The following HDDC2 variants were observed in gnomAD, a reference collection of about 807,000 sequenced individuals.
HDDC2 encodes 5'-deoxynucleotidase HDDC2.
In HDDC2, 25 loss-of-function variants were observed where a neutral mutation model predicts 25.5. The observed-to-expected ratio is 0.98, with a 90% CI of 0.72 to 1.37. The LOEUF (loss-of-function observed/expected upper bound fraction) is 1.37. HDDC2 is among the 40% of genes most tolerant of loss of function. The pLI, the probability that HDDC2 is intolerant of heterozygous loss-of-function variation, is 0.00. For missense variants in HDDC2, 264 were observed against 253.1 expected (o/e 1.04, Z -0.29); for synonymous variants, 106 against 89.7 (o/e 1.18, Z -1.03).
Position 125,275,876 on chromosome 6 carries a change from C to G in HDDC2, c.*270G>C, listed in dbSNP as rs1207062035. On this transcript the variant is annotated 3_prime_UTR_variant, in exon 6 of 6. Coordinates refer to ENST00000398153, the MANE Select transcript of HDDC2 (RefSeq NM_016063.3). ...TGATTTTAAATCTCCAATAAATATT[C>G]TAATATTTTAGGTGTTTAATATTTA... is the stretch of plus-strand genomic sequence containing the variant. 2.6e-6 allele frequency: 1 copy of G among 380,696 alleles called. No individual in the cohort carries two copies. The allele number at this position is 380,696 out of a possible 1,614,324, so 23.6% of individuals were successfully genotyped here.
chr6:125,301,310 G>A (rs1798797992), intron 1 of HDDC2, among the ~76,000 whole-genome samples: 2 of 152,136 alleles, frequency 1.3e-5, no homozygotes, highest in African/African-American at 2.4e-5. Context: ...ATTAAATCCC[G>A]TTTGGGGGGT....
At chr6:125,286,606 T>C (rs773734613) in intron 4 of HDDC2, among the ~76,000 whole-genome samples, 1 of 152,184 alleles carries the variant, frequency 6.6e-6, no homozygotes, top group Non-Finnish European at 1.5e-5. Context: ...ATTGAAAACA[T>C]CAGTATGAAC....
chr6:125,295,755 C>T (rs1380924658), intron 3 of HDDC2, among the ~76,000 whole-genome samples: 1 of 152,132 alleles, frequency 6.6e-6, no homozygotes, highest in East Asian at 1.9e-4. Flanking sequence ...AGGCATACCA[C>T]GACTCTGCCC....
chr6:125,301,482 G>GCACACACACGCGCACACACACACA (rs1412473241), intron 1 of HDDC2, among the ~76,000 whole-genome samples: 29 of 120,418 alleles, frequency 2.4e-4, no homozygotes, highest in African/African-American at 9.1e-4. Context: ...GGGGTCGTGA[G>GCACACACACGCGCACACACACACA]CACACACACA....
At chr6:125,299,107 A>G (rs1798756282) in intron 2 of HDDC2, among the ~76,000 whole-genome samples, 1 of 152,192 alleles carries the variant, frequency 6.6e-6, no homozygotes, top group African/African-American at 2.4e-5. Flanking sequence ...CTAATAGGCC[A>G]GGTGCGGTGG....
At chr6:125,285,927 T>A (rs1187252438) in intron 4 of HDDC2, among the ~76,000 whole-genome samples, 1 of 152,190 alleles carries the variant, frequency 6.6e-6, no homozygotes, top group Admixed American at 6.5e-5. Flanking sequence ...CATCTGTCCC[T>A]CAAAGTACAG....
chr6:125,301,944 C>A lies in HDDC2; in HGVS notation c.-12G>T, dbSNP rs779791095. On this transcript the variant is annotated 5_prime_UTR_variant, in exon 1 of 6. Transcript: ENST00000398153. Reference sequence around the variant, plus strand: ...GAGACCGAAGCCATGCGGCCACCGACCCCGGCTGGGCGGAGCAGGCCGCGG... The same window carrying A: ...GAGACCGAAGCCATGCGGCCACCGAACCCGGCTGGGCGGAGCAGGCCGCGG... The A allele has an allele frequency of 6.5e-7, 1 of 1,546,182 alleles. No homozygotes were observed. Among genetic ancestry groups the A allele is most frequent in the East Asian group, 2.4e-5 (1 of 41,086 alleles).
intron 1 of HDDC2, 26 bp downstream of exon 1, chr6:125,301,823 G>T: frequency 6.6e-7 from 1 of 1,521,092 alleles, no homozygotes; most frequent in Non-Finnish European, 8.8e-7. Flanking sequence ...GCTCGGCCGC[G>T]GCCTCCCGGC....
chr6:125,277,775 G>A (rs1021680285), intron 4 of HDDC2: 1 of 152,584 alleles, frequency 6.6e-6, no homozygotes, highest in African/African-American at 2.4e-5. Flanking sequence ...GTCCCTCTGA[G>A]TTAAGACTAT....
rs1158501798 is a variant in HDDC2 at position 125,277,258 on chromosome 6, T to C, written c.379-18A>G. 2.5e-6 allele frequency: 4 copies of C among 1,613,316 alleles called. No individual in the cohort carries two copies. The East Asian group carries it at 8.9e-5, about 36-fold the overall frequency. ...TCGTACTCCTAAGTAAAGGGACAAT[T>C]AAAGCAGCATGATTAGCGCTGCATA... is the stretch of plus-strand genomic sequence containing the variant. On this transcript the variant is annotated intron_variant, in intron 4 of 5. Transcript: ENST00000398153.
intron 3 of HDDC2, 68 bp from the exon 4 acceptor site, chr6:125,292,977 G>A: frequency 8.3e-7 from 1 of 1,206,344 alleles, no homozygotes; most frequent in Non-Finnish European, 1.2e-6. Context: ...CTCTGCAACA[G>A]ACAAATAGGT....
intron 4 of HDDC2, 159 bp from the exon 5 acceptor site, chr6:125,277,399 T>C (rs887368582): frequency 1.6e-5 from 10 of 642,422 alleles, no homozygotes; most frequent in East Asian, 2.7e-5. Context: ...GAGACACTTC[T>C]GTAATTTCAC....
intron 4 of HDDC2, among the ~76,000 whole-genome samples, chr6:125,287,517 C>A (rs1318567844): frequency 6.6e-6 from 1 of 152,056 alleles, no homozygotes; most frequent in Non-Finnish European, 1.5e-5. Flanking sequence ...ATAAAAATGG[C>A]AGAAGAGAAC....
rs1798381746 is a variant in HDDC2, at chr6:125,277,112, A to T, written c.507T>A (p.Asp169Glu). 6.2e-7 allele frequency: 1 copy of T among 1,613,982 alleles called. No homozygotes were observed. The highest frequency in any genetic ancestry group is 1.3e-5 in the African/African-American group (1 of 74,922). The stretch of plus-strand genomic sequence containing the variant: ...AATGGTGTTGAGTACCTGCTGTGGA[A>T]TCATAGAAGTCTTGCAGTCTCCCAG... ...HKPGRLQDFYDSTAGKFNHPE... is the reference protein window; with the variant it reads ...HKPGRLQDFYESTAGKFNHPE... The change falls in exon 5 of 6, where the codon GAT (aspartate) becomes GAA (glutamate). Residue 169 changes from aspartate to glutamate, a missense_variant. Physicochemically the swap from Asp to Glu is conservative, Grantham distance 45. Coordinates refer to ENST00000398153, the MANE Select transcript of HDDC2 (RefSeq NM_016063.3).
chr6:125,294,028 T>G (rs1179814735), intron 3 of HDDC2, among the ~76,000 whole-genome samples: 1 of 152,226 alleles, frequency 6.6e-6, no homozygotes, highest in African/African-American at 2.4e-5. Context: ...CTCCTTTATT[T>G]ATGAGTTACT....
intron 3 of HDDC2, chr6:125,297,548 G>C (rs926281901): frequency 3.0e-5 from 12 of 403,444 alleles, no homozygotes; most frequent in Admixed American, 8.8e-5. Flanking sequence ...GATCAAAATG[G>C]AGTTTCTTAT....
chr6:125,301,741 G>T, intron 1 of HDDC2, 108 bp downstream of exon 1: 1 of 741,086 alleles, frequency 1.3e-6, no homozygotes. Context: ...CGTGGCGGAC[G>T]CGGCGCAGGA....
rs115998307 is a variant in HDDC2 at position 125,276,831 on chromosome 6, T to C, written c.517+271A>G. The C allele has an allele frequency of 1.1e-3, 521 of 454,284 alleles. 1 individual carries two copies. Among genetic ancestry groups the C allele is most frequent in the African/African-American group, 9.3e-3 (470 of 50,762 alleles). 28.1% of individuals were successfully genotyped at this position (454,284 alleles called of 1,614,324 possible). On this transcript the variant is annotated intron_variant, in intron 5 of 5. Transcript: ENST00000398153. ...TATTGTATGTCCATGACGGCTAGCA[T>C]GGGGGACTGTTCAACCCAACATCTC...
rs1187963976 is a variant in HDDC2, at chr6:125,275,832, T to C, written c.*314A>G. ...TGAACCTAGCCTTCGGGGATATCGG[T>C]AATTAAGTCAGAATAAGATGATTTT... On this transcript the variant is annotated 3_prime_UTR_variant, in exon 6 of 6. Coordinates refer to ENST00000398153, the MANE Select transcript of HDDC2 (RefSeq NM_016063.3). 1 of 274,348 alleles carries C rather than the reference T, an allele frequency of 3.6e-6. No homozygotes were observed. The highest frequency in any genetic ancestry group is 6.8e-6 in the Non-Finnish European group (1 of 147,766). The allele number at this position is 274,348 out of a possible 1,614,324, so 17.0% of individuals were successfully genotyped here.
Sources: gnomAD v4.1 joint callset for allele counts (sites outside exome capture counted in the v4.1 genomes callset) on GRCh38, gnomAD v4.1.1 for gene constraint, MANE v1.5 for transcripts, NCBI Gene and HGNC (gene_info 2026-07-23, HGNC 2026-07-21) for gene names.